The following FABP3 variants were observed in gnomAD, a reference collection of about 807,000 sequenced individuals.
The protein encoded by FABP3 is fatty acid binding protein 3.
A neutral mutation model predicts 13.4 loss-of-function variants in FABP3; 8 were observed. That is an observed-to-expected ratio of 0.60 (90% CI 0.35 to 1.07). The LOEUF (loss-of-function observed/expected upper bound fraction) is 1.07, where lower values mean the gene tolerates loss of function less well. FABP3 is among the 50% of genes least tolerant of loss of function. The probability of loss-of-function intolerance (pLI) is 0.02; values close to 1 mark genes in which losing one functional copy is unlikely to be tolerated. For synonymous variants in FABP3, 64 were observed against 60.0 expected (o/e 1.07, Z -0.31); for missense variants, 135 against 164.7 (o/e 0.82, Z 0.99).
intron 3 of FABP3, 66 bp from the exon 4 acceptor site, chr1:31,366,005 C>T (rs1336513390): frequency 3.6e-6 from 5 of 1,395,046 alleles, no homozygotes. Flanking sequence ...ATTCTACCCT[C>T]CCTTCCTCCT....
the FABP3 span, among the ~76,000 whole-genome samples, chr1:31,359,943 T>G: frequency 6.6e-6 from 1 of 152,078 alleles, no homozygotes; most frequent in African/African-American, 2.4e-5. Flanking sequence ...CTCTCAGTCT[T>G]CCCCCACCCC....
At chr1:31,360,730 A>G (rs370948156), downstream of FABP3, among the ~76,000 whole-genome samples, 95 of 152,316 alleles carry the variant, frequency 6.2e-4, no homozygotes, top group South Asian at 1.5e-3. Flanking sequence ...GAGAGAGAAC[A>G]AAGTGGAAAT....
chr1:31,370,098 C>A (rs1342490889), intron 1 of FABP3, among the ~76,000 whole-genome samples: 1 of 32,304 alleles, frequency 3.1e-5, no homozygotes. Context: ...AGTGAGATTC[C>A]ACCTCAAAAA....
At chr1:31,360,104 C>T in the FABP3 span, among the ~76,000 whole-genome samples, 10 of 152,116 alleles carry the variant, frequency 6.6e-5, no homozygotes, top group Admixed American at 1.3e-4. Flanking sequence ...CTCAGCCTCC[C>T]GAGTAGCTGG....
At chr1:31,367,607 GGT>G in intron 2 of FABP3, 113 bp from the exon 3 acceptor site, 2 of 861,336 alleles carry the variant, frequency 2.3e-6, no homozygotes, top group Non-Finnish European at 2.0e-6. Flanking sequence ...AACTAGTGAT[GGT>G]GTGAGGACAA....
chr1:31,371,052 T>A lies in FABP3; in HGVS notation c.74-1495A>T, dbSNP rs12568245. On this transcript the variant is annotated intron_variant, in intron 1 of 3. Coordinates refer to ENST00000373713, the MANE Select transcript of FABP3 (RefSeq NM_004102.5). ...GATTTGAACCTCGGCTCCAAAACTG[T>A]TGACTATTTTCACTGGGCGATTCTG... 2.3e-4 allele frequency among the ~76,000 whole-genome samples: 35 copies of A among 152,332 alleles called. No homozygotes were observed. In the East Asian group the frequency reaches 6.0e-3, roughly 26 times the overall value.
At chr1:31,364,828 G>GC (rs1640070718), downstream of FABP3, 1 of 152,316 alleles carries the variant, frequency 6.6e-6, no homozygotes, top group Non-Finnish European at 1.5e-5. Flanking sequence ...AGACAGCGAA[G>GC]CCAAGATCAT....
downstream of FABP3, chr1:31,364,159 A>G: frequency 1.2e-6 from 2 of 1,613,710 alleles, no homozygotes; most frequent in Non-Finnish European, 1.7e-6. Flanking sequence ...AAGAAGAAAA[A>G]GAAGAAGAAG....
rs201934570 is a variant in FABP3, at chr1:31,369,508, T to C, written c.123A>G (p.Thr41=). ...RQVASMTKPT[T]IIEKNGDILT... is the part of the protein sequence containing the mutation. Reference sequence around the variant, plus strand: ...GAATGTCCCCATTCTTTTCGATGATTGTGGTAGGCTTGGTCATGCTGGCCA... The same window carrying C: ...GAATGTCCCCATTCTTTTCGATGATCGTGGTAGGCTTGGTCATGCTGGCCA... The change falls in exon 2 of 4, where the codon ACA becomes ACG. Residue 41 remains threonine, a synonymous_variant. Transcript: ENST00000373713. The C allele has an allele frequency of 6.2e-7, 1 of 1,614,170 alleles. No homozygotes were observed. The highest frequency in any genetic ancestry group is 1.6e-4 in the Middle Eastern group (1 of 6,062).
chr1:31,367,236 A>G (rs1640129294), intron 3 of FABP3, among the ~76,000 whole-genome samples, 157 bp downstream of exon 3: 1 of 152,192 alleles, frequency 6.6e-6, no homozygotes, highest in Non-Finnish European at 1.5e-5. Context: ...AAGCCACTAC[A>G]CAGAAAATTC....
downstream of FABP3, among the ~76,000 whole-genome samples, chr1:31,362,315 C>T (rs1639937396): frequency 6.6e-6 from 1 of 152,222 alleles, no homozygotes; most frequent in Non-Finnish European, 1.5e-5. Flanking sequence ...ATTTATAGCT[C>T]TGAGGCTGCT....
downstream of FABP3, among the ~76,000 whole-genome samples, chr1:31,362,542 G>GT (rs34343689): frequency 0.13 from 20,043 of 152,210 alleles, 1,461 homozygotes; most frequent in Non-Finnish European, 0.15. Flanking sequence ...GATGTGGTGG[G>GT]TATAGTTTTG....
chr1:31,371,443 G>GCTC (rs1640208648), intron 1 of FABP3, among the ~76,000 whole-genome samples: 2 of 152,226 alleles, frequency 1.3e-5, no homozygotes, highest in Non-Finnish European at 2.9e-5. Flanking sequence ...AGGAGACTCA[G>GCTC]GGAGATCTGG....
At position 31,369,375 on chromosome 1, in the gene FABP3, C is replaced by G; in HGVS notation, c.246+10G>C. Reference sequence around the variant, plus strand: ...ACTCTCCATTCCCCACCCCTGTTTCCCTGACTTACCTTGACCTTCCTGTCA... The same window carrying G: ...ACTCTCCATTCCCCACCCCTGTTTCGCTGACTTACCTTGACCTTCCTGTCA... On this transcript the variant is annotated intron_variant, in intron 2 of 3. Transcript: ENST00000373713. 1 of 1,613,478 alleles carries G rather than the reference C, an allele frequency of 6.2e-7. No homozygotes were observed. The highest frequency in any genetic ancestry group is 8.5e-7 in the Non-Finnish European group (1 of 1,179,544).
chr1:31,371,903 C>T (rs1000369542), intron 1 of FABP3, among the ~76,000 whole-genome samples: 2 of 152,222 alleles, frequency 1.3e-5, no homozygotes, highest in Non-Finnish European at 2.9e-5. Context: ...TTCTACTTTT[C>T]TTCCCACTCG....
Position 31,365,604 on chromosome 1 carries a change from G to T in FABP3, c.*282C>A. The T allele has an allele frequency of 2.5e-6, 1 of 396,560 alleles. No individual in the cohort carries two copies. Among genetic ancestry groups the T allele is most frequent in the East Asian group, 4.9e-5 (1 of 20,290 alleles). 24.6% of individuals were successfully genotyped at this position (396,560 alleles called of 1,614,324 possible). ...TTTCTGCCCACTCTCTGACACACAG[G>T]ATAAACCAAGACTCCCAGAGTTATG... is the stretch of plus-strand genomic sequence containing the variant. On this transcript the variant is annotated 3_prime_UTR_variant, in exon 4 of 4. Transcript: ENST00000373713.
intron 2 of FABP3, among the ~76,000 whole-genome samples, chr1:31,368,135 C>T (rs889621349): frequency 9.9e-5 from 15 of 152,188 alleles, no homozygotes; most frequent in African/African-American, 3.6e-4. Flanking sequence ...CATACATCAG[C>T]TGGTTCTCAT....
chr1:31,362,101 C>T (rs1569954590), downstream of FABP3, among the ~76,000 whole-genome samples: 1 of 152,306 alleles, frequency 6.6e-6, no homozygotes, highest in Middle Eastern at 3.4e-3. Flanking sequence ...TGAGCCACCG[C>T]GCCCAGCCAG....
In FABP3 at chr1:31,369,458, A is replaced by T. The variant is rs901514519; in HGVS notation, c.173T>A (p.Phe58Tyr). 6.2e-7 allele frequency: 1 copy of T among 1,613,974 alleles called. No homozygotes were observed. The highest frequency in any genetic ancestry group is 1.3e-5 in the African/African-American group (1 of 74,876). Residue 58 changes from phenylalanine to tyrosine, a missense_variant, in exon 2 of 4, where the codon TTC becomes TAC. Coordinates refer to ENST00000373713, the MANE Select transcript of FABP3 (RefSeq NM_004102.5). ...DILTLKTHST[F>Y]KNTEISFKLG... ...CTTAAAGCTGATCTCTGTGTTCTTG[A>T]AGGTGCTGTGTGTTTTTAGGGTGAG...
Sources: allele counts gnomAD v4.1 joint callset (sites outside exome capture counted in the v4.1 genomes callset), GRCh38; gene constraint gnomAD v4.1.1; transcripts MANE v1.5; gene names NCBI Gene and HGNC (gene_info 2026-07-23, HGNC 2026-07-21).